TEX10: variants seen among roughly 807,000 people sequenced by gnomAD.
TEX10 encodes the protein testis-expressed protein 10.
A neutral mutation model predicts 104.4 loss-of-function variants in TEX10; 24 were observed. The observed-to-expected ratio is 0.23, with a 90% confidence interval of 0.17 to 0.32. TEX10 has a LOEUF of 0.32. Among genes scored for constraint, TEX10 ranks in the 10% least tolerant of loss-of-function variants. The pLI, the probability that TEX10 is intolerant of heterozygous loss-of-function variation, is 1.00. For missense variants in TEX10, 921 were observed against 1,083.9 expected (o/e 0.85, Z 2.11); for synonymous variants, 396 against 393.4 (o/e 1.01, Z -0.08).
chr9:100,327,725 C>G, intron 8 of TEX10, 62 bp downstream of exon 8: 1 of 1,357,984 alleles, frequency 7.4e-7, no homozygotes, highest in Non-Finnish European at 9.7e-7. Context: ...CCCTTAAAAA[C>G]TTCTTTTGTA....
At chr9:100,352,495 G>A in intron 1 of TEX10, 4 of 1,551,148 alleles carry the variant, frequency 2.6e-6, no homozygotes, top group Admixed American at 2.0e-5. Context: ...AGTGGGGCCC[G>A]ATTCACACAC....
rs191772783 is a variant in TEX10, at chr9:100,330,075, T to A, written c.1345A>T (p.Thr449Ser). 3 of 1,614,044 alleles carry A rather than the reference T, an allele frequency of 1.9e-6. No individual in the cohort carries two copies. The highest frequency in any genetic ancestry group is 2.5e-6 in the Non-Finnish European group (3 of 1,180,022). Reference protein sequence around the residue: ...DIMVSLANASTLQKDCSWIEM... With the variant: ...DIMVSLANASSLQKDCSWIEM... Reference sequence around the variant, plus strand: ...ATCCAACTGCAATCCTTCTGCAAAGTTGACGCATTTGCCAGGGAGACCATG... The same window carrying A: ...ATCCAACTGCAATCCTTCTGCAAAGATGACGCATTTGCCAGGGAGACCATG... The change falls in exon 6 of 15, where the codon ACT (threonine) becomes TCT (serine). Residue 449 changes from threonine to serine, a missense_variant. This residue lies in a region of TEX10 where 753 missense variants were observed against 868.4 expected (regional missense o/e 0.87). Transcript: ENST00000374902.
At chr9:100,304,101 A>G (rs1834085477) in intron 13 of TEX10, 1 of 523,136 alleles carries the variant, frequency 1.9e-6, no homozygotes, top group East Asian at 3.3e-5. Flanking sequence ...ATCACAGATG[A>G]CACAGATAAA....
intron 2 of TEX10, among the ~76,000 whole-genome samples, chr9:100,348,837 G>A (rs966621327): frequency 1.3e-5 from 2 of 152,302 alleles, no homozygotes; most frequent in African/African-American, 4.8e-5. Context: ...CTTGAGCCCA[G>A]AAGGTCCTGG....
chr9:100,306,371 C>T (rs1391164024), intron 13 of TEX10: 2 of 152,158 alleles, frequency 1.3e-5, no homozygotes, highest in Admixed American at 1.3e-4. Context: ...TAGGACACAT[C>T]CTGATCTGCA....
Position 100,334,107 on chromosome 9 carries a change from G to A in TEX10, c.1251-3938C>T, listed in dbSNP as rs550597807. ...TTGGCAAATGTTTAAAAGATAATAC[G>A]TTTTTCAGAAGCGATGAAAAGACAT... On this transcript the variant is annotated intron_variant, in intron 5 of 14. Transcript: ENST00000374902. 2.0e-5 allele frequency among the ~76,000 whole-genome samples: 3 copies of A among 152,154 alleles called. No individual in the cohort carries two copies. In the South Asian group the frequency reaches 6.2e-4, roughly 32 times the overall value.
chr9:100,345,413 G>A (rs1177606123), intron 4 of TEX10, among the ~76,000 whole-genome samples: 1 of 152,162 alleles, frequency 6.6e-6, no homozygotes, highest in Non-Finnish European at 1.5e-5. Flanking sequence ...ATATAAACTT[G>A]AAGGATTCAC....
chr9:100,314,381 C>T lies in TEX10; in HGVS notation c.2203-4002G>A, dbSNP rs563134900. 1.1e-4 allele frequency among the ~76,000 whole-genome samples: 16 copies of T among 152,206 alleles called. No individual in the cohort carries two copies. In the East Asian group the frequency reaches 2.3e-3, roughly 22 times the overall value. Reference sequence around the variant, plus strand: ...GATTGCAGGCATGAGCCACTGCGCCCGGCCTGGAGATTTTTTTATTACCAA... The same window carrying T: ...GATTGCAGGCATGAGCCACTGCGCCTGGCCTGGAGATTTTTTTATTACCAA... On this transcript the variant is annotated intron_variant, in intron 11 of 14. Transcript: ENST00000374902.
At chr9:100,302,713 T>G (rs1419089538) in intron 14 of TEX10, among the ~76,000 whole-genome samples, 1 of 152,172 alleles carries the variant, frequency 6.6e-6, no homozygotes, top group Admixed American at 6.5e-5. Context: ...ATGGGCTGAT[T>G]CCCCAGTCTG....
intron 5 of TEX10, among the ~76,000 whole-genome samples, chr9:100,332,445 A>G (rs1030766376): frequency 1.3e-5 from 2 of 152,226 alleles, no homozygotes; most frequent in African/African-American, 4.8e-5. Flanking sequence ...AAGACTAAAT[A>G]TACCAACCAA....
At chr9:100,349,455 T>TGTAA in intron 1 of TEX10, 83 bp from the exon 2 acceptor site, 1 of 771,140 alleles carries the variant, frequency 1.3e-6, no homozygotes, top group Non-Finnish European at 1.9e-6. Flanking sequence ...CACATACTAC[T>TGTAA]GTAACATTTA....
At chr9:100,322,079 T>C (rs1834585331) in intron 9 of TEX10, among the ~76,000 whole-genome samples, 1 of 152,234 alleles carries the variant, frequency 6.6e-6, no homozygotes, top group Non-Finnish European at 1.5e-5. Flanking sequence ...GATGAAGTTT[T>C]GCTTTTCAGT....
chr9:100,306,292 A>G (rs1050841688), intron 13 of TEX10: 8 of 152,006 alleles, frequency 5.3e-5, no homozygotes, highest in African/African-American at 1.9e-4. Context: ...AGACTTGAAG[A>G]AAAAAAACTG....
intron 8 of TEX10, 56 bp from the exon 9 acceptor site, chr9:100,326,535 A>G (rs1233701667): frequency 2.6e-6 from 4 of 1,525,084 alleles, no homozygotes; most frequent in Non-Finnish European, 2.7e-6. Flanking sequence ...CAAACCAGAG[A>G]TTAATAAAGC....
At chr9:100,306,642 T>C (rs1834151717) in intron 13 of TEX10, 1 of 152,308 alleles carries the variant, frequency 6.6e-6, no homozygotes, top group Admixed American at 6.5e-5. Flanking sequence ...TTTTGTAATC[T>C]TATAAACACC....
chr9:100,350,491 T>C (rs1835413370), intron 1 of TEX10, among the ~76,000 whole-genome samples: 1 of 152,194 alleles, frequency 6.6e-6, no homozygotes, highest in Non-Finnish European at 1.5e-5. Flanking sequence ...CTAATCTCTA[T>C]CTAAAACAAT....
chr9:100,346,446 A>C, intron 3 of TEX10, 131 bp from the exon 4 acceptor site: 2 of 1,150,132 alleles, frequency 1.7e-6, no homozygotes, highest in Non-Finnish European at 2.4e-6. Flanking sequence ...AATCAAAACT[A>C]GTAAGAAAAA....
intron 5 of TEX10, among the ~76,000 whole-genome samples, chr9:100,338,555 A>G (rs1021769595): frequency 3.3e-5 from 5 of 152,162 alleles, no homozygotes; most frequent in Non-Finnish European, 5.9e-5. Flanking sequence ...CTTCCTTTGC[A>G]TACCTAGTTA....
At position 100,320,333 on chromosome 9, in the gene TEX10, G is replaced by T. The variant is rs1170403277; in HGVS notation, c.2134C>A (p.Gln712Lys). The change falls in exon 11 of 15, where the codon CAG becomes AAG. Residue 712 changes from glutamine (Q) to lysine (K), a missense_variant. This residue lies in a region of TEX10 where 753 missense variants were observed against 868.4 expected (regional missense o/e 0.87). Coordinates refer to ENST00000374902, the MANE Select transcript of TEX10 (RefSeq NM_017746.4). ...AGGTAGAGAAGCACAGGGGAAAGCT[G>T]TGTCTGGATGACATGAGGAACTCCT... ...LRGVPHVIQT[Q>K]LSPVLLYLTD... The T allele has an allele frequency of 6.2e-7, 1 of 1,613,242 alleles. No homozygotes were observed. Among genetic ancestry groups the T allele is most frequent in the Non-Finnish European group, 8.5e-7 (1 of 1,179,572 alleles).
Sources: allele counts gnomAD v4.1 joint callset (sites outside exome capture counted in the v4.1 genomes callset), GRCh38; gene constraint gnomAD v4.1.1; regional missense constraint gnomAD v4.1.1; transcripts MANE v1.5; gene names NCBI Gene and HGNC (gene_info 2026-07-23, HGNC 2026-07-21).